Variants in TAGAP observed in about 807,000 individuals in gnomAD.
The protein encoded by TAGAP is T cell activation RhoGTPase activating protein, also known as T-cell activation Rho GTPase-activating protein.
Under a neutral mutation model 36.0 loss-of-function variants are expected in TAGAP, and 16 were observed. The ratio of observed to expected loss-of-function variants is 0.44; its 90% CI spans 0.30 to 0.68. The LOEUF is 0.68. TAGAP is among the 30% of genes least tolerant of loss of function. The pLI is 0.09. For synonymous variants in TAGAP, 372 were observed against 377.4 expected, an observed-to-expected ratio of 0.99 and a Z score of 0.17; for missense variants, 794 against 921.5, an observed-to-expected ratio of 0.86 and a Z score of 1.79.
rs1779504934 is a variant in TAGAP, at chr6:159,035,812, C to T, written c.*15G>A. 1.9e-6 allele frequency: 3 copies of T among 1,576,446 alleles called. No homozygotes were observed. The African/African-American group carries it at 4.0e-5, about 21-fold the overall frequency. ...ACAGATAGCACAAGCTATGGCATGG[C>T]GTATGGCCTCCCTCCTAAATATACG... On this transcript the variant is annotated 3_prime_UTR_variant, in exon 10 of 10. Coordinates refer to ENST00000367066, the MANE Select transcript of TAGAP (RefSeq NM_054114.5).
At position 159,041,045 on chromosome 6, in the gene TAGAP, A is replaced by T. The variant is rs528915180; in HGVS notation, c.478-213T>A. The T allele has an allele frequency of 5.1e-6, 3 of 585,518 alleles. No homozygotes were observed. Among genetic ancestry groups the T allele is most frequent in the East Asian group, 2.8e-5 (1 of 35,198 alleles). 36.3% of individuals were successfully genotyped at this position (585,518 alleles called of 1,614,324 possible). ...TCTAACATCAGGCAGAGTCAGAGGC[A>T]CCATCCCCAGGTGGGTGTGTTCTGA... On this transcript the variant is annotated intron_variant, in intron 6 of 9. Transcript: ENST00000367066. This position sits in a 1 kb window ranked among gnomAD's most constrained non-coding sequence, Gnocchi z 4.1.
Position 159,035,680 on chromosome 6 carries a change from T to C in TAGAP, c.*147A>G, listed in dbSNP as rs1019609014. 7.1e-6 allele frequency: 5 copies of C among 701,540 alleles called. No individual in the cohort carries two copies. Among genetic ancestry groups the C allele is most frequent in the Admixed American group, 6.0e-5 (2 of 33,470 alleles). 43.5% of individuals were successfully genotyped at this position (701,540 alleles called of 1,614,324 possible). A position where few individuals can be genotyped will look rare whatever the true frequency, so the allele number is the denominator to read the frequency against. On this transcript the variant is annotated 3_prime_UTR_variant, in exon 10 of 10. Coordinates refer to ENST00000367066, the MANE Select transcript of TAGAP (RefSeq NM_054114.5). The stretch of plus-strand genomic sequence containing the variant: ...GAGACTATCTGATGCGCCATGGCCA[T>C]GGTGTAGCTATCCTCACTGAGGAGG...
chr6:159,038,264 A>AGTTT, intron 8 of TAGAP, 36 bp from the exon 9 acceptor site: 1 of 825,314 alleles, frequency 1.2e-6, no homozygotes. Context: ...CAGCTTGAAG[A>AGTTT]CTTTTTTTTT....
In TAGAP at chr6:159,035,760, A is replaced by G. The variant is rs966839447; in HGVS notation, c.*67T>C. The G allele has an allele frequency of 3.4e-6, 5 of 1,476,480 alleles. No homozygotes were observed. The Admixed American group carries it at 6.5e-5, about 19-fold the overall frequency. The allele number at this position is 1,476,480 out of a possible 1,614,324, so 91.5% of individuals were successfully genotyped here. A position where few individuals can be genotyped will look rare whatever the true frequency, so the allele number is the denominator to read the frequency against. On this transcript the variant is annotated 3_prime_UTR_variant, in exon 10 of 10. Transcript: ENST00000367066. ...TCAAGACCTTTTAAAAACAATCTAC[A>G]GGCAGTTCTTTACAAGTCTCATATT...
intron 4 of TAGAP, chr6:159,042,784 A>G (rs1233424704): frequency 6.5e-6 from 1 of 152,770 alleles, no homozygotes; most frequent in African/African-American, 2.4e-5. Context: ...AGCTAACACC[A>G]TTTTTCCTTC....
At chr6:159,042,433 A>C in intron 4 of TAGAP, 189 bp from the exon 5 acceptor site, 1 of 1,323,584 alleles carries the variant, frequency 7.6e-7, no homozygotes, top group Non-Finnish European at 9.9e-7. Flanking sequence ...ACCGATAAAC[A>C]ACCACACTGT....
chr6:159,036,387 C>G lies in TAGAP; in HGVS notation c.1636G>C (p.Glu546Gln). The G allele has an allele frequency of 6.2e-7, 1 of 1,614,172 alleles. No homozygotes were observed. Among genetic ancestry groups the G allele is most frequent in the Non-Finnish European group, 8.5e-7 (1 of 1,180,032 alleles). The change falls in exon 10 of 10, where the codon GAA (glutamate) becomes CAA (glutamine). Residue 546 changes from glutamate (E) to glutamine (Q), a missense_variant. Transcript: ENST00000367066. The surrounding 1 kb of genome is among the most constrained non-coding windows in gnomAD (Gnocchi z 4.9). ...RDHVPRGVRKESQLAGRIVQE... is the reference protein window; with the variant it reads ...RDHVPRGVRKQSQLAGRIVQE... The stretch of plus-strand genomic sequence containing the variant: ...ACGATTCGGCCGGCAAGCTGGCTTT[C>G]CTTTCTGACACCCCTCGGGACGTGG...
Position 159,039,302 on chromosome 6 carries a change from C to T in TAGAP, c.595G>A (p.Asp199Asn), listed in dbSNP as rs767642705. Residue 199 changes from aspartate to asparagine, a missense_variant, in exon 8 of 10, where the codon GAT becomes AAT. Asp to Asn is a conservative substitution (Grantham distance 23). Coordinates refer to ENST00000367066, the MANE Select transcript of TAGAP (RefSeq NM_054114.5). ...AGGAGGTTGGGCCGGGGGAGCTTATCTGCAACCCTGGAATAAAGTGAAGGG... is the reference window on the plus strand; with the variant it reads ...AGGAGGTTGGGCCGGGGGAGCTTATTTGCAACCCTGGAATAAAGTGAAGGG... ...DRIEALKQVA[D>N]KLPRPNLLLL... The T allele has an allele frequency of 1.2e-6, 2 of 1,612,500 alleles. No individual in the cohort carries two copies. The highest frequency in any genetic ancestry group is 1.7e-6 in the Non-Finnish European group (2 of 1,179,588).
intron 7 of TAGAP, among the ~76,000 whole-genome samples, chr6:159,040,463 C>T (rs1424988645): frequency 6.6e-6 from 1 of 152,194 alleles, no homozygotes; most frequent in Non-Finnish European, 1.5e-5. Context: ...TTTCAGACTT[C>T]CCTACCTCTT....
rs369309775 is a variant in TAGAP at position 159,036,163 on chromosome 6, C to T, written c.1860G>A (p.Val620=). The change falls in exon 10 of 10, where the codon GTG becomes GTA. Residue 620 remains valine, a synonymous_variant. Transcript: ENST00000367066. The surrounding 1 kb of genome is among the most constrained non-coding windows in gnomAD (Gnocchi z 4.9). Reference sequence around the variant, plus strand: ...CCAGCATCCTCGCCCTCATGCTCCCCACCGTCATGCTCCCCACGGTCTGGC... The same window carrying T: ...CCAGCATCCTCGCCCTCATGCTCCCTACCGTCATGCTCCCCACGGTCTGGC... ...SESQTVGSMT[V]GSMRARMLEA... 6.2e-7 allele frequency: 1 copy of T among 1,612,654 alleles called. No individual in the cohort carries two copies. Among genetic ancestry groups the T allele is most frequent in the Non-Finnish European group, 8.5e-7 (1 of 1,179,564 alleles).
In TAGAP at chr6:159,041,196, G is replaced by C; in HGVS notation, c.477+158C>G. 1 of 888,932 alleles carries C rather than the reference G, an allele frequency of 1.1e-6. No individual in the cohort carries two copies. Among genetic ancestry groups the C allele is most frequent in the Non-Finnish European group, 1.7e-6 (1 of 592,826 alleles). 55.1% of individuals were successfully genotyped at this position (888,932 alleles called of 1,614,324 possible). On this transcript the variant is annotated intron_variant, in intron 6 of 9. Coordinates refer to ENST00000367066, the MANE Select transcript of TAGAP (RefSeq NM_054114.5). This position sits in a 1 kb window ranked among gnomAD's most constrained non-coding sequence, Gnocchi z 4.1. ...AATCTGAGGTCACAGAAACAGAGGT[G>C]CTTACTAAATAAATAAATAAAGGGC...
intron 4 of TAGAP, chr6:159,042,841 G>C (rs1779805766): frequency 6.5e-6 from 1 of 152,916 alleles, no homozygotes. Context: ...CTTTAGGACA[G>C]AGGCAAATAC....
intron 4 of TAGAP, chr6:159,042,576 T>A: frequency 4.3e-6 from 1 of 234,384 alleles, no homozygotes; most frequent in Non-Finnish European, 8.4e-6. Flanking sequence ...TAAACAACCA[T>A]CTTAACCTAC....
Position 159,035,593 on chromosome 6 carries a change from CT to C in TAGAP, c.*233del, listed in dbSNP as rs1779499207. ...AGGGATTATTAGACATCCTTTGCAC[CT>C]AACACCTTATCTATAATACATTTGA... On this transcript the variant is annotated 3_prime_UTR_variant, in exon 10 of 10. Transcript: ENST00000367066. 10 of 449,932 alleles carry C rather than the reference CT, an allele frequency of 2.2e-5. No homozygotes were observed. In the South Asian group the frequency reaches 3.9e-4, roughly 17 times the overall value. The allele number at this position is 449,932 out of a possible 1,614,324, so 27.9% of individuals were successfully genotyped here.
In TAGAP at chr6:159,036,695, T is replaced by C; in HGVS notation, c.1328A>G (p.Lys443Arg). 1.2e-6 allele frequency: 2 copies of C among 1,614,166 alleles called. No homozygotes were observed. The highest frequency in any genetic ancestry group is 1.7e-6 in the Non-Finnish European group (2 of 1,180,006). The change falls in exon 10 of 10, where the codon AAG becomes AGG. Residue 443 changes from lysine to arginine, a missense_variant. By Grantham distance (26) the Lys-to-Arg change is conservative (BLOSUM62 2). Coordinates refer to ENST00000367066, the MANE Select transcript of TAGAP (RefSeq NM_054114.5). This position sits in a 1 kb window ranked among gnomAD's most constrained non-coding sequence, Gnocchi z 4.9. ...GAGCACCGAACCCGGGGCCAAGTTC[T>C]TGATCTTCAGGTCCACCGGCCTCTT... is the stretch of plus-strand genomic sequence containing the variant. ...KTKRPVDLKI[K>R]NLAPGSVLPR...
chr6:159,038,983 AT>A, intron 8 of TAGAP, 130 bp downstream of exon 8: 1 of 1,538,656 alleles, frequency 6.5e-7, no homozygotes, highest in Non-Finnish European at 8.8e-7. Context: ...TGACAAAAGC[AT>A]TTTGCATTTT....
chr6:159,042,287 G>T lies in TAGAP; in HGVS notation c.149-43C>A, dbSNP rs1455190699. 1.1e-5 allele frequency: 17 copies of T among 1,580,466 alleles called. No homozygotes were observed. The African/African-American group carries it at 2.2e-4, about 20-fold the overall frequency. On this transcript the variant is annotated intron_variant, in intron 4 of 9. Coordinates refer to ENST00000367066, the MANE Select transcript of TAGAP (RefSeq NM_054114.5). ...AGGCAACGAGAAAAATTAGACTACA[G>T]TGTTAAGAAGCAAAGATCCAGGTAA... is the stretch of plus-strand genomic sequence containing the variant.
chr6:159,042,423 A>G, intron 4 of TAGAP, 179 bp from the exon 5 acceptor site: 2 of 1,367,178 alleles, frequency 1.5e-6, no homozygotes, highest in Non-Finnish European at 1.9e-6. Context: ...AGAAAAACCA[A>G]CCGATAAACA....
intron 4 of TAGAP, 101 bp from the exon 5 acceptor site, chr6:159,042,345 C>A: frequency 1.3e-6 from 2 of 1,495,852 alleles, no homozygotes; most frequent in South Asian, 2.8e-5. Context: ...ATAATGTGGT[C>A]AATAGTATGC....
Sources: gnomAD v4.1 joint callset for allele counts (sites outside exome capture counted in the v4.1 genomes callset) on GRCh38, gnomAD v4.1.1 for gene constraint, Gnocchi (gnomAD v3.1) non-coding constraint, MANE v1.5 for transcripts, NCBI Gene and HGNC (gene_info 2026-07-23, HGNC 2026-07-21) for gene names.